Variants in PCDHA10 observed in about 807,000 individuals in gnomAD.
PCDHA10 encodes protocadherin alpha 10.
A neutral mutation model predicts 61.2 loss-of-function variants in PCDHA10; 45 were observed. The observed-to-expected ratio is 0.74, with a 90% CI of 0.58 to 0.94. The LOEUF (loss-of-function observed/expected upper bound fraction) is 0.94, where lower values mean the gene tolerates loss of function less well. PCDHA10 is among the 40% of genes least tolerant of loss of function. The pLI is 0.00. For synonymous variants in PCDHA10, 602 were observed against 548.8 expected, an observed-to-expected ratio of 1.10 and a Z score of -1.35; for missense variants, 1,278 against 1,236.2, an observed-to-expected ratio of 1.03 and a Z score of -0.51.
chr5:140,861,870 GC>G (rs1319389506), intron 1 of PCDHA10: 1 of 156,092 alleles, frequency 6.4e-6, no homozygotes, highest in East Asian at 1.9e-4. Context: ...ACTGATGGGG[GC>G]GAAGCTGAGC....
At chr5:140,927,316 C>A in intron 1 of PCDHA10, 1 of 1,614,198 alleles carries the variant, frequency 6.2e-7, no homozygotes, top group Non-Finnish European at 8.5e-7. Flanking sequence ...GCCCGGAGCC[C>A]GCTTTACTCT....
Position 140,930,862 on chromosome 5 carries a change from GGT to G in PCDHA10, c.2389-48086_2389-48085del, listed in dbSNP as rs1554208154. On this transcript the variant is annotated intron_variant, in intron 1 of 3. Coordinates refer to ENST00000307360, the MANE Select transcript of PCDHA10 (RefSeq NM_018901.4). Reference sequence around the variant, plus strand: ...AAATATGTGCATATATGAATTGGATGGTAACACTGTTCAACACAGAGGGAAAA... The same window carrying G: ...AAATATGTGCATATATGAATTGGATGAACACTGTTCAACACAGAGGGAAAA... 5.3e-3 allele frequency among the ~76,000 whole-genome samples: 803 copies of G among 152,226 alleles called. 3 individuals carry two copies. Among genetic ancestry groups the G allele is most frequent in the Non-Finnish European group, 8.4e-3 (568 of 67,990 alleles).
chr5:140,907,164 G>T (rs1554192895), intron 1 of PCDHA10, among the ~76,000 whole-genome samples: 2 of 152,098 alleles, frequency 1.3e-5, no homozygotes, highest in Non-Finnish European at 2.9e-5. Context: ...ACCATATATT[G>T]GATGCTGATT....
chr5:141,010,461 G>C lies in PCDHA10; in HGVS notation c.*524G>C. The C allele has an allele frequency of 1.2e-6, 1 of 823,014 alleles. No individual in the cohort carries two copies. The highest frequency in any genetic ancestry group is 1.8e-6 in the Non-Finnish European group (1 of 553,022). The allele number at this position is 823,014 out of a possible 1,614,324, so 51.0% of individuals were successfully genotyped here. A position where few individuals can be genotyped will look rare whatever the true frequency, so the allele number is the denominator to read the frequency against. On this transcript the variant is annotated 3_prime_UTR_variant, in exon 4 of 4. Coordinates refer to ENST00000307360, the MANE Select transcript of PCDHA10 (RefSeq NM_018901.4). ...GACAAATAAACAGCGGAAGTTATCAGTATGGAGGGGAAGTGTAAACTTAAA... is the reference window on the plus strand; with the variant it reads ...GACAAATAAACAGCGGAAGTTATCACTATGGAGGGGAAGTGTAAACTTAAA...
At chr5:140,970,408 A>G (rs1292683019) in intron 1 of PCDHA10, among the ~76,000 whole-genome samples, 1 of 152,202 alleles carries the variant, frequency 6.6e-6, no homozygotes, top group Admixed American at 6.5e-5. Context: ...GGCTTACCCT[A>G]CAGTAAGGTG....
intron 1 of PCDHA10, among the ~76,000 whole-genome samples, chr5:140,897,367 T>C (rs1554187348): frequency 8.0e-6 from 1 of 125,642 alleles, no homozygotes; most frequent in East Asian, 2.4e-4. Flanking sequence ...CAGAGTGTGA[T>C]GTTCCCTTCC....
chr5:140,921,129 C>T (rs998046424), intron 1 of PCDHA10, among the ~76,000 whole-genome samples: 1 of 139,232 alleles, frequency 7.2e-6, no homozygotes, highest in South Asian at 2.4e-4. Context: ...TACAGGTGCA[C>T]ACCACTACAC....
At chr5:140,949,171 C>T (rs1554218845) in intron 1 of PCDHA10, among the ~76,000 whole-genome samples, 1 of 151,632 alleles carries the variant, frequency 6.6e-6, no homozygotes, top group Non-Finnish European at 1.5e-5. Flanking sequence ...CTCTTTTGGT[C>T]AGAGAACATA....
chr5:140,915,992 G>A (rs1437857401), intron 1 of PCDHA10, among the ~76,000 whole-genome samples: 2 of 152,134 alleles, frequency 1.3e-5, no homozygotes, highest in African/African-American at 4.8e-5. Context: ...GGCTAAGCTG[G>A]CACTCAAACC....
chr5:140,999,614 A>G (rs572897182), intron 3 of PCDHA10, among the ~76,000 whole-genome samples: 1 of 152,302 alleles, frequency 6.6e-6, no homozygotes, highest in African/African-American at 2.4e-5. Flanking sequence ...GGACCTTATC[A>G]ACCAGGAAAC....
chr5:140,956,497 A>G (rs2095288493), intron 1 of PCDHA10, among the ~76,000 whole-genome samples: 2 of 152,190 alleles, frequency 1.3e-5, no homozygotes, highest in Admixed American at 1.3e-4. Flanking sequence ...CCAGGGATGA[A>G]GCCTACTTGA....
At chr5:140,966,185 GA>G (rs1378285647) in intron 1 of PCDHA10, 4 of 197,798 alleles carry the variant, frequency 2.0e-5, no homozygotes, top group Non-Finnish European at 4.0e-5. Context: ...CTGATAGCCA[GA>G]CTTCTAGGGG....
chr5:140,870,096 T>C, intron 1 of PCDHA10: 1 of 1,613,854 alleles, frequency 6.2e-7, no homozygotes, highest in Non-Finnish European at 8.5e-7. Context: ...CAATGGCAGG[T>C]CACTGTACAG....
chr5:140,869,296 C>A, intron 1 of PCDHA10: 1 of 1,613,602 alleles, frequency 6.2e-7, no homozygotes, highest in Non-Finnish European at 8.5e-7. Flanking sequence ...GCGCCTGTTC[C>A]GGGTGGCGTC....
At chr5:140,945,178 C>T (rs2093753648) in intron 1 of PCDHA10, among the ~76,000 whole-genome samples, 2 of 151,902 alleles carry the variant, frequency 1.3e-5, no homozygotes, top group Admixed American at 1.3e-4. Flanking sequence ...AAAAATAAAT[C>T]AAGAAAACCA....
At chr5:140,959,871 T>C (rs572861997) in intron 1 of PCDHA10, among the ~76,000 whole-genome samples, 1 of 152,322 alleles carries the variant, frequency 6.6e-6, no homozygotes, top group Admixed American at 6.5e-5. Flanking sequence ...GCAAAATCTG[T>C]CAAGGAATAC....
chr5:140,886,944 C>A (rs577897989), intron 1 of PCDHA10, among the ~76,000 whole-genome samples: 2 of 152,010 alleles, frequency 1.3e-5, no homozygotes, highest in African/African-American at 4.8e-5. Context: ...ATGTTCTACA[C>A]ATTAGACATT....
chr5:140,938,166 G>A (rs2091953104), intron 1 of PCDHA10, among the ~76,000 whole-genome samples: 2 of 151,980 alleles, frequency 1.3e-5, no homozygotes, highest in South Asian at 4.1e-4. Flanking sequence ...GGCTAGTCTG[G>A]AGCTCCTGGG....
chr5:140,966,520 C>T, intron 1 of PCDHA10: 1 of 437,694 alleles, frequency 2.3e-6, no homozygotes, highest in East Asian at 3.5e-5. Context: ...CAGCAGGAAG[C>T]CGAGCCGGGT....
Sources: allele counts gnomAD v4.1 joint callset (sites outside exome capture counted in the v4.1 genomes callset), GRCh38; gene constraint gnomAD v4.1.1; transcripts MANE v1.5; gene names NCBI Gene and HGNC (gene_info 2026-07-23, HGNC 2026-07-21).